ZFHX3: variants seen among roughly 807,000 people sequenced by gnomAD.
ZFHX3 encodes zinc finger homeobox protein 3.
ZFHX3 carries 42 observed loss-of-function variants against 279.1 expected under a neutral mutation model. The ratio of observed to expected loss-of-function variants is 0.15; its 90% CI spans 0.12 to 0.19. The LOEUF is 0.19. Ranked by LOEUF, ZFHX3 falls within the 10% of genes least tolerant of loss-of-function variation. The pLI, the probability that ZFHX3 is intolerant of heterozygous loss-of-function variation, is 1.00. For synonymous variants in ZFHX3, 2,293 were observed against 1,957.8 expected (o/e 1.17, Z -4.52); for missense variants, 4,981 against 4,754.0 (o/e 1.05, Z -1.40).
chr16:72,975,547 C>A (rs1446695246), intron 1 of ZFHX3, among the ~76,000 whole-genome samples: 2 of 152,192 alleles, frequency 1.3e-5, no homozygotes, highest in African/African-American at 2.4e-5. Context: ...CCTTCTCCAT[C>A]CCACATGGTA....
Position 72,797,835 on chromosome 16 carries a change from C to T in ZFHX3, c.4847G>A (p.Arg1616Lys). The T allele has an allele frequency of 6.2e-7, 1 of 1,614,128 alleles. No homozygotes were observed. Among genetic ancestry groups the T allele is most frequent in the Non-Finnish European group, 8.5e-7 (1 of 1,180,032 alleles). ...SQSSTLEIHM[R>K]SVLHQTKARA... ...GGCCTTGGTTTGATGTAACACAGAC[C>T]TCATATGGATCTCCAGAGTGGAACT... Residue 1616 changes from arginine (R) to lysine (K), a missense_variant, in exon 9 of 10, where the codon AGG becomes AAG. By Grantham distance (26) the Arg-to-Lys change is conservative. Coordinates refer to ENST00000268489, the MANE Select transcript of ZFHX3 (RefSeq NM_006885.4).
intron 3 of ZFHX3, among the ~76,000 whole-genome samples, chr16:72,938,757 A>G (rs1193714081): frequency 1.3e-5 from 2 of 152,212 alleles, no homozygotes; most frequent in East Asian, 3.9e-4. Flanking sequence ...AGTTGGACAC[A>G]AAGAGACGGG....
chr16:72,917,075 C>A (rs924241568), intron 3 of ZFHX3, among the ~76,000 whole-genome samples: 18 of 151,574 alleles, frequency 1.2e-4, no homozygotes, highest in Admixed American at 3.9e-4. Flanking sequence ...CCCATCGCTA[C>A]AAAAAAAACA....
intron 3 of ZFHX3, among the ~76,000 whole-genome samples, chr16:72,923,885 C>G (rs137923268): frequency 6.6e-6 from 1 of 152,216 alleles, no homozygotes; most frequent in Non-Finnish European, 1.5e-5. Flanking sequence ...CAAGACGCGG[C>G]TACTGGGCAG....
At position 72,959,796 on chromosome 16, in the gene ZFHX3, C is replaced by G. The variant is rs1961475241; in HGVS notation, c.350G>C (p.Gly117Ala). The G allele has an allele frequency of 6.3e-7, 1 of 1,598,902 alleles. No homozygotes were observed. The highest frequency in any genetic ancestry group is 8.5e-7 in the Non-Finnish European group (1 of 1,170,866). The change falls in exon 2 of 10, where the codon GGT becomes GCT. Residue 117 changes from glycine to alanine, a missense_variant. Physicochemically the swap from Gly to Ala is moderately conservative, Grantham distance 60. Coordinates refer to ENST00000268489, the MANE Select transcript of ZFHX3 (RefSeq NM_006885.4). ...PLREESASDT[G>A]EEGDEESDVE... ...GTCACTCTCCTCGTCCCCCTCCTCA[C>G]CGGTGTCGCTGGCGCTCTCCTCTCT...
intron 3 of ZFHX3, among the ~76,000 whole-genome samples, chr16:72,924,232 C>T (rs769918869): frequency 1.5e-4 from 23 of 152,312 alleles, no homozygotes; most frequent in Middle Eastern, 3.4e-3. Context: ...TTTGATGACG[C>T]TATACTGCTA....
intron 5 of ZFHX3, among the ~76,000 whole-genome samples, chr16:73,249,140 A>T (rs891023966): frequency 6.6e-6 from 1 of 152,226 alleles, no homozygotes; most frequent in South Asian, 2.1e-4. Context: ...TTGTACTTGC[A>T]GACACATTTT....
At chr16:73,603,003 AG>A (rs1670620635) in intron 2 of ZFHX3, among the ~76,000 whole-genome samples, 1 of 143,290 alleles carries the variant, frequency 7.0e-6, no homozygotes, top group South Asian at 2.2e-4. Flanking sequence ...AAAAAGATAC[AG>A]GCCGGGCGCG....
chr16:73,194,056 T>C (rs1054954937), intron 5 of ZFHX3, among the ~76,000 whole-genome samples: 6 of 152,244 alleles, frequency 3.9e-5, no homozygotes, highest in Admixed American at 6.5e-5. Context: ...ACAAATGTTA[T>C]GAACTTTCTC....
chr16:73,450,622 C>T (rs2018267977), intron 3 of ZFHX3, among the ~76,000 whole-genome samples: 1 of 152,350 alleles, frequency 6.6e-6, no homozygotes, highest in African/African-American at 2.4e-5. Context: ...TTTAGAAGAG[C>T]TAGCCTCTTG....
At chr16:73,409,051 T>C (rs1375169746) in intron 3 of ZFHX3, among the ~76,000 whole-genome samples, 2 of 152,216 alleles carry the variant, frequency 1.3e-5, no homozygotes, top group African/African-American at 4.8e-5. Flanking sequence ...GATTCATTCA[T>C]TTGGTCAAGG....
intron 8 of ZFHX3, among the ~76,000 whole-genome samples, chr16:73,088,921 G>T (rs1163116333): frequency 2.6e-5 from 4 of 152,102 alleles, no homozygotes; most frequent in Non-Finnish European, 4.4e-5. Flanking sequence ...GGGGTCCAGG[G>T]CAGGTGGCAG....
At chr16:73,320,763 C>T (rs982774328) in intron 3 of ZFHX3, among the ~76,000 whole-genome samples, 1 of 152,138 alleles carries the variant, frequency 6.6e-6, no homozygotes. Flanking sequence ...AATCCCCACA[C>T]CCCTCACTCG....
At chr16:73,067,130 C>G (rs1172464669) in intron 8 of ZFHX3, among the ~76,000 whole-genome samples, 2 of 152,098 alleles carry the variant, frequency 1.3e-5, no homozygotes, top group African/African-American at 2.4e-5. Flanking sequence ...AGCGAAGGGC[C>G]GTCTGGAGGG....
At chr16:73,546,829 G>C (rs1473679899) in intron 2 of ZFHX3, among the ~76,000 whole-genome samples, 9 of 151,954 alleles carry the variant, frequency 5.9e-5, no homozygotes, top group South Asian at 2.1e-4. Context: ...GGGGGGTGAG[G>C]GGGGAGGGAG....
intron 1 of ZFHX3, among the ~76,000 whole-genome samples, chr16:72,984,996 A>G (rs1962786050): frequency 6.6e-6 from 1 of 152,130 alleles, no homozygotes; most frequent in South Asian, 2.1e-4. Flanking sequence ...AAAGAGGAAA[A>G]AAACAAAGCC....
At chr16:73,320,004 G>A (rs371209389) in intron 3 of ZFHX3, among the ~76,000 whole-genome samples, 80 of 152,296 alleles carry the variant, frequency 5.3e-4, no homozygotes, top group African/African-American at 1.7e-3. Flanking sequence ...ATGCTAAAGC[G>A]AGTCTTTATC....
rs188885044 is a variant in ZFHX3 at position 73,759,046 on chromosome 16, T to C, written c.-1607-78806A>G. ...ACCACTGTGCTTTCCCCTGATGCCA[T>C]TGGTGATTCATACTTGTTAAGCTGG... On this transcript the variant is annotated intron_variant, in intron 1 of 17. Transcript: ENST00000641206. Among the ~76,000 whole-genome samples, 4 of 152,342 alleles carry C rather than the reference T, an allele frequency of 2.6e-5. No homozygotes were observed. In the East Asian group the frequency reaches 7.7e-4, roughly 29 times the overall value.
intron 4 of ZFHX3, among the ~76,000 whole-genome samples, chr16:72,886,531 C>T (rs2038625554): frequency 6.6e-6 from 1 of 152,130 alleles, no homozygotes; most frequent in Admixed American, 6.5e-5. Context: ...GGCAGCTGTA[C>T]ACTGTTTAGT....
Sources: gnomAD v4.1 joint callset for allele counts (sites outside exome capture counted in the v4.1 genomes callset) on GRCh38, gnomAD v4.1.1 for gene constraint, MANE v1.5 for transcripts, NCBI Gene and HGNC (gene_info 2026-07-23, HGNC 2026-07-21) for gene names.